ZFAND3: variants seen among roughly 807,000 people sequenced by gnomAD.
The protein encoded by ZFAND3 is zinc finger AN1-type containing 3.
In ZFAND3, 10 loss-of-function variants were observed where a neutral mutation model predicts 29.6. The ratio of observed to expected loss-of-function variants is 0.34; its 90% CI spans 0.21 to 0.57. The LOEUF is 0.57. Among genes scored for constraint, ZFAND3 ranks in the 20% least tolerant of loss-of-function variants. ZFAND3 has a pLI of 0.86. For synonymous variants in ZFAND3, 128 were observed against 112.6 expected (o/e 1.14, Z -0.87); for missense variants, 230 against 304.5 (o/e 0.76, Z 1.82).
chr6:37,932,139 C>A (rs904266801), intron 2 of ZFAND3, among the ~76,000 whole-genome samples: 1 of 151,900 alleles, frequency 6.6e-6, no homozygotes, highest in Admixed American at 6.6e-5. Context: ...TGTGGTGGCC[C>A]GTGCCTGTAA....
At chr6:37,947,641 A>G (rs1201314709) in intron 2 of ZFAND3, among the ~76,000 whole-genome samples, 1 of 152,148 alleles carries the variant, frequency 6.6e-6, no homozygotes, top group African/African-American at 2.4e-5. Flanking sequence ...ATGACTCTGA[A>G]TTCTGTCTGC....
chr6:37,935,390 A>G (rs1761679760), intron 2 of ZFAND3, among the ~76,000 whole-genome samples: 1 of 152,138 alleles, frequency 6.6e-6, no homozygotes, highest in South Asian at 2.1e-4. Flanking sequence ...TGTTTTATAT[A>G]TGATTTTACT....
rs181009223 is a variant in ZFAND3 at position 37,884,355 on chromosome 6, G to C, written c.72-45604G>C. 4.1e-3 allele frequency among the ~76,000 whole-genome samples: 587 copies of C among 143,402 alleles called. 34 individuals are homozygous for C. The highest frequency in any genetic ancestry group is 0.014 in the Middle Eastern group (4 of 284). The allele number at this position is 143,402 out of a possible 152,430, so 94.1% of individuals were successfully genotyped here. ...CTAAAAAATACAAAATTAGCCAGGC[G>C]TGGTGGCGCATGCCTGTAATCCCAG... On this transcript the variant is annotated intron_variant, in intron 1 of 5. Coordinates refer to ENST00000287218, the MANE Select transcript of ZFAND3 (RefSeq NM_021943.3).
intron 1 of ZFAND3, among the ~76,000 whole-genome samples, chr6:37,867,272 A>G (rs1036162675): frequency 6.6e-6 from 1 of 152,230 alleles, no homozygotes; most frequent in African/African-American, 2.4e-5. Context: ...GGTGAATCAC[A>G]GAAGGAATGA....
chr6:37,873,269 C>CA (rs941943106), intron 1 of ZFAND3, among the ~76,000 whole-genome samples: 18 of 150,446 alleles, frequency 1.2e-4, no homozygotes, highest in South Asian at 2.1e-4. Context: ...GACTCCGTCT[C>CA]AAAAAAAAAG....
chr6:38,087,346 A>G (rs1472045377), intron 4 of ZFAND3, among the ~76,000 whole-genome samples: 3 of 152,214 alleles, frequency 2.0e-5, no homozygotes, highest in African/African-American at 4.8e-5. Context: ...ATGCGATCAC[A>G]TCAGGTTAAA....
chr6:38,116,939 A>G (rs1462232596), intron 5 of ZFAND3, among the ~76,000 whole-genome samples, 200 bp downstream of exon 5: 2 of 152,142 alleles, frequency 1.3e-5, no homozygotes, highest in South Asian at 2.1e-4. Context: ...ATTCTCACAC[A>G]TGCAAAAAAG....
At chr6:38,076,762 G>A (rs1040282664) in intron 3 of ZFAND3, among the ~76,000 whole-genome samples, 1 of 152,068 alleles carries the variant, frequency 6.6e-6, no homozygotes, top group Non-Finnish European at 1.5e-5. Context: ...TTAATTGATG[G>A]GGCTTTTCAA....
At chr6:37,975,398 G>T (rs1762461040) in intron 2 of ZFAND3, among the ~76,000 whole-genome samples, 1 of 151,972 alleles carries the variant, frequency 6.6e-6, no homozygotes, top group Admixed American at 6.6e-5. Flanking sequence ...TGTTTGCAAA[G>T]ATTTTTTCTT....
intron 4 of ZFAND3, among the ~76,000 whole-genome samples, chr6:38,106,623 C>G (rs978425255): frequency 1.3e-5 from 2 of 152,138 alleles, no homozygotes; most frequent in African/African-American, 4.8e-5. Context: ...GAGTTTATCA[C>G]TTTTACTTTG....
chr6:38,061,984 T>C (rs1764250541), intron 3 of ZFAND3, among the ~76,000 whole-genome samples: 1 of 152,242 alleles, frequency 6.6e-6, no homozygotes, highest in African/African-American at 2.4e-5. Flanking sequence ...ACATGAAGTT[T>C]GAACCAGTCT....
intron 4 of ZFAND3, among the ~76,000 whole-genome samples, chr6:38,096,905 A>C (rs74441639): frequency 0.062 from 9,390 of 152,184 alleles, 361 homozygotes; most frequent in Non-Finnish European, 0.087. Context: ...CATATTCATT[A>C]GCGGTTAGAT....
intron 2 of ZFAND3, among the ~76,000 whole-genome samples, chr6:38,045,855 C>A (rs1763893863): frequency 6.6e-6 from 1 of 152,274 alleles, no homozygotes; most frequent in African/African-American, 2.4e-5. Context: ...AAAGACAGTG[C>A]AGATTGAAAT....
At chr6:37,970,966 G>A (rs1762377874) in intron 2 of ZFAND3, among the ~76,000 whole-genome samples, 1 of 152,124 alleles carries the variant, frequency 6.6e-6, no homozygotes, top group Non-Finnish European at 1.5e-5. Context: ...CATTGGTCTA[G>A]GACTACCATT....
At chr6:38,052,113 A>G (rs1764038877) in intron 2 of ZFAND3, among the ~76,000 whole-genome samples, 1 of 152,228 alleles carries the variant, frequency 6.6e-6, no homozygotes, top group African/African-American at 2.4e-5. Context: ...AAGCTTTGCC[A>G]GCTTCATATA....
intron 4 of ZFAND3, among the ~76,000 whole-genome samples, chr6:38,096,885 G>A (rs1764991478): frequency 6.6e-6 from 1 of 151,972 alleles, no homozygotes; most frequent in African/African-American, 2.4e-5. Flanking sequence ...CCATGGTAAT[G>A]TCTTCTAAGC....
At position 38,152,977 on chromosome 6, in the gene ZFAND3, C is replaced by T. The variant is rs564496470; in HGVS notation, c.*588C>T. 58 of 985,844 alleles carry T rather than the reference C, an allele frequency of 5.9e-5. No homozygotes were observed. In the South Asian group the frequency reaches 8.0e-4, roughly 14 times the overall value. The allele number at this position is 985,844 out of a possible 1,614,324, so 61.1% of individuals were successfully genotyped here. A position where few individuals can be genotyped will look rare whatever the true frequency, so the allele number is the denominator to read the frequency against. On this transcript the variant is annotated 3_prime_UTR_variant, in exon 6 of 6. Coordinates refer to ENST00000287218, the MANE Select transcript of ZFAND3 (RefSeq NM_021943.3). ...ATGGGGGGTGGGGGACAGATTCTTA[C>T]GGAAATTTTTTTACCTGACTTGCTA...
intron 4 of ZFAND3, among the ~76,000 whole-genome samples, chr6:38,114,115 G>A (rs1336140291): frequency 6.6e-6 from 1 of 152,178 alleles, no homozygotes; most frequent in Non-Finnish European, 1.5e-5. Context: ...CCCAGTGGGA[G>A]TAATTTCCTA....
chr6:37,922,639 C>G (rs1307680693), intron 1 of ZFAND3, among the ~76,000 whole-genome samples: 2 of 152,160 alleles, frequency 1.3e-5, no homozygotes, highest in Non-Finnish European at 1.5e-5. Flanking sequence ...ATAGCCTACT[C>G]CACACCTACA....
Sources: gnomAD v4.1 joint callset for allele counts (sites outside exome capture counted in the v4.1 genomes callset) on GRCh38, gnomAD v4.1.1 for gene constraint, MANE v1.5 for transcripts, NCBI Gene and HGNC (gene_info 2026-07-23, HGNC 2026-07-21) for gene names.